Variants in UBE2O observed in about 807,000 individuals in gnomAD.
The protein encoded by UBE2O is ubiquitin conjugating enzyme E2 O.
In UBE2O, 15 loss-of-function variants were observed where a neutral mutation model predicts 125.8. That is an observed-to-expected ratio of 0.12 (90% CI 0.08 to 0.18). The LOEUF (loss-of-function observed/expected upper bound fraction) is 0.18. UBE2O is among the 10% of genes least tolerant of loss of function. The pLI is 1.00. For synonymous variants in UBE2O, 708 were observed against 703.2 expected (o/e 1.01, Z -0.11); for missense variants, 1,280 against 1,723.6 (o/e 0.74, Z 4.56).
Position 76,405,275 on chromosome 17 carries a change from A to G in UBE2O, c.519T>C (p.Cys173=). Residue 173 remains cysteine, a synonymous_variant, in exon 3 of 18, where the codon TGT becomes TGC. Transcript: ENST00000319380. This position sits in a 1 kb window ranked among gnomAD's most constrained non-coding sequence, Gnocchi z 6.1. ...CGTVIDVNID[C]AVKLIGTNCI... is the part of the protein sequence containing the mutation. ...AGTTGGTGCCGATGAGCTTGACGGCACAGTCGATGTTGACGTCGATCACCG... is the reference window on the plus strand; with the variant it reads ...AGTTGGTGCCGATGAGCTTGACGGCGCAGTCGATGTTGACGTCGATCACCG... 1 of 1,613,422 alleles carries G rather than the reference A, an allele frequency of 6.2e-7. No individual in the cohort carries two copies.
chr17:76,408,349 T>C (rs1334675450), intron 1 of UBE2O, among the ~76,000 whole-genome samples: 4 of 152,156 alleles, frequency 2.6e-5, no homozygotes, highest in Non-Finnish European at 4.4e-5. Flanking sequence ...CATGAGGTGC[T>C]CCACAACCCA....
chr17:76,424,833 T>C (rs2072777869), intron 1 of UBE2O, among the ~76,000 whole-genome samples: 1 of 151,742 alleles, frequency 6.6e-6, no homozygotes, highest in African/African-American at 2.4e-5. Context: ...ACCTCCAAAA[T>C]TAATTTCACC....
intron 1 of UBE2O, among the ~76,000 whole-genome samples, chr17:76,450,527 C>T (rs1464378155): frequency 6.6e-6 from 1 of 152,094 alleles, no homozygotes. Context: ...AAAATACCAC[C>T]ACCGAGCCAC....
intron 1 of UBE2O, among the ~76,000 whole-genome samples, chr17:76,435,429 CACACACACACACACACACACACACACAA>C (rs2072978787): frequency 6.6e-6 from 1 of 150,762 alleles, no homozygotes; most frequent in Non-Finnish European, 1.5e-5. Flanking sequence ...CACACACACA[CACACACACACACACACACACACACACAA>C]AGATTAAGAT....
Position 76,410,172 on chromosome 17 carries a change from G to A in UBE2O, c.418-4600C>T, listed in dbSNP as rs1467442546. Among the ~76,000 whole-genome samples, 5 of 152,148 alleles carry A rather than the reference G, an allele frequency of 3.3e-5. No individual in the cohort carries two copies. Among genetic ancestry groups the A allele is most frequent in the African/African-American group, 1.2e-4 (5 of 41,420 alleles). Reference sequence around the variant, plus strand: ...GGGAGGGCTTGAGATTCTATCCTGAGCAAGATGGAAGCCCCTGAAGGCCTC... The same window carrying A: ...GGGAGGGCTTGAGATTCTATCCTGAACAAGATGGAAGCCCCTGAAGGCCTC... On this transcript the variant is annotated intron_variant, in intron 1 of 17. Transcript: ENST00000319380. The surrounding 1 kb of genome is among the most constrained non-coding windows in gnomAD (Gnocchi z 4.0).
chr17:76,401,487 G>A (rs1377981405), intron 5 of UBE2O, among the ~76,000 whole-genome samples: 2 of 152,192 alleles, frequency 1.3e-5, no homozygotes, highest in African/African-American at 2.4e-5. Context: ...TGCTGTGTGT[G>A]TCCATGTACT....
intron 1 of UBE2O, among the ~76,000 whole-genome samples, chr17:76,430,115 C>T (rs1010065305): frequency 2.6e-5 from 4 of 152,098 alleles, no homozygotes; most frequent in Non-Finnish European, 4.4e-5. Context: ...GGTGTTTTTC[C>T]GCAGGTACCA....
At chr17:76,424,773 G>A (rs1023506633) in intron 1 of UBE2O, among the ~76,000 whole-genome samples, 12 of 151,304 alleles carry the variant, frequency 7.9e-5, no homozygotes, top group Non-Finnish European at 1.0e-4. Context: ...AGCTATGATC[G>A]AGCCACTGCA....
intron 1 of UBE2O, among the ~76,000 whole-genome samples, chr17:76,423,525 C>A (rs2143813831): frequency 6.6e-6 from 1 of 152,060 alleles, no homozygotes; most frequent in Middle Eastern, 3.4e-3. Flanking sequence ...AACCCAGTCT[C>A]TACTAAAAAT....
intron 1 of UBE2O, among the ~76,000 whole-genome samples, chr17:76,438,639 T>C (rs74878702): frequency 0.019 from 2,946 of 152,320 alleles, 84 homozygotes; most frequent in South Asian, 0.089. Context: ...TTAGGTTCGA[T>C]AGATTTCAGA....
chr17:76,405,828 C>T lies in UBE2O; in HGVS notation c.418-256G>A, dbSNP rs911559629. On this transcript the variant is annotated intron_variant, in intron 1 of 17. Coordinates refer to ENST00000319380, the MANE Select transcript of UBE2O (RefSeq NM_022066.4). This position sits in a 1 kb window ranked among gnomAD's most constrained non-coding sequence, Gnocchi z 6.1. ...CACCCACCAGAGGCACTTGGCTTGC[C>T]GGAGGTAGCCTTCCTCACACTGAAC... Among the ~76,000 whole-genome samples the T allele has an allele frequency of 3.3e-5, 5 of 152,188 alleles. No individual in the cohort carries two copies. The highest frequency in any genetic ancestry group is 1.3e-4 in the Admixed American group (2 of 15,280).
At position 76,400,907 on chromosome 17, in the gene UBE2O, G is replaced by A; in HGVS notation, c.894+104C>T. ...GAGATCAACAGGGTCCAGATGCTGA[G>A]GAGCGGGGCTCAACCCTCAAGAGCA... On this transcript the variant is annotated intron_variant, in intron 6 of 17. Coordinates refer to ENST00000319380, the MANE Select transcript of UBE2O (RefSeq NM_022066.4). This position sits in a 1 kb window ranked among gnomAD's most constrained non-coding sequence, Gnocchi z 4.3. 1 of 1,383,678 alleles carries A rather than the reference G, an allele frequency of 7.2e-7. No individual in the cohort carries two copies. Among genetic ancestry groups the A allele is most frequent in the Non-Finnish European group, 9.9e-7 (1 of 1,013,702 alleles). 85.7% of individuals were successfully genotyped at this position (1,383,678 alleles called of 1,614,324 possible).
At chr17:76,394,933 T>C (rs2072178983) in intron 15 of UBE2O, among the ~76,000 whole-genome samples, 1 of 151,926 alleles carries the variant, frequency 6.6e-6, no homozygotes, top group African/African-American at 2.4e-5. Context: ...TGGAGTGCAA[T>C]GGTGCGATCT....
Position 76,399,193 on chromosome 17 carries a change from G to A in UBE2O, c.1629-202C>T, listed in dbSNP as rs1482667773. On this transcript the variant is annotated intron_variant, in intron 9 of 17. Transcript: ENST00000319380. This position sits in a 1 kb window ranked among gnomAD's most constrained non-coding sequence, Gnocchi z 6.9. ...CATTCTCTGAGAACAGGATCCACTT[G>A]GGAGAGCTCAGGCAAATGTGGTTCC... is the stretch of plus-strand genomic sequence containing the variant. The A allele has an allele frequency of 1.3e-6, 1 of 775,698 alleles. No individual in the cohort carries two copies. Among genetic ancestry groups the A allele is most frequent in the Non-Finnish European group, 2.0e-6 (1 of 496,524 alleles). The allele number at this position is 775,698 out of a possible 1,614,324, so 48.1% of individuals were successfully genotyped here.
chr17:76,395,347 GT>G lies in UBE2O; in HGVS notation c.2946+377del, dbSNP rs550963697. The G allele has an allele frequency of 3.6e-3, 568 of 156,698 alleles. 2 individuals are homozygous for G. Among genetic ancestry groups the G allele is most frequent in the African/African-American group, 0.013 (540 of 41,294 alleles). 9.7% of individuals were successfully genotyped at this position (156,698 alleles called of 1,614,324 possible). ...CAGGCGCCCGCATGGTGGCGGGAGA[GT>G]TTTTTGTAATTTTTTTTTTTTTTTT... On this transcript the variant is annotated intron_variant, in intron 15 of 17. Coordinates refer to ENST00000319380, the MANE Select transcript of UBE2O (RefSeq NM_022066.4). This position sits in a 1 kb window ranked among gnomAD's most constrained non-coding sequence, Gnocchi z 5.0.
chr17:76,429,966 T>C (rs964588879), intron 1 of UBE2O, among the ~76,000 whole-genome samples: 16 of 152,244 alleles, frequency 1.1e-4, no homozygotes, highest in Admixed American at 9.2e-4. Context: ...TTCAAAGAGA[T>C]GACTTGGGAA....
At chr17:76,442,994 G>C (rs534243105) in intron 1 of UBE2O, among the ~76,000 whole-genome samples, 29 of 152,208 alleles carry the variant, frequency 1.9e-4, no homozygotes, top group African/African-American at 7.0e-4. Flanking sequence ...AATTAAAAAT[G>C]ACCCCAAATG....
rs2072493182 is a variant in UBE2O at position 76,410,263 on chromosome 17, G to GA, written c.418-4692dup. On this transcript the variant is annotated intron_variant, in intron 1 of 17. Coordinates refer to ENST00000319380, the MANE Select transcript of UBE2O (RefSeq NM_022066.4). This position sits in a 1 kb window ranked among gnomAD's most constrained non-coding sequence, Gnocchi z 4.0. ...CTGATTTTTGGGCAGGGAACGTGCT[G>GA]AGAGAGGGAGCACGGAGGCTGGTTA... Among the ~76,000 whole-genome samples the GA allele has an allele frequency of 6.6e-6, 1 of 152,118 alleles. No homozygotes were observed. Among genetic ancestry groups the GA allele is most frequent in the Admixed American group, 6.5e-5 (1 of 15,272 alleles).
Position 76,402,178 on chromosome 17 carries a change from CA to C in UBE2O, c.687-52del, listed in dbSNP as rs745366704. On this transcript the variant is annotated intron_variant, in intron 4 of 17. Transcript: ENST00000319380. This position sits in a 1 kb window ranked among gnomAD's most constrained non-coding sequence, Gnocchi z 5.4. ...CTCCACCAGGGGACACAGTGAGTAC[CA>C]AAAAGTTGCGATTCTGAGATGCCAA... 3.8e-6 allele frequency: 6 copies of C among 1,578,606 alleles called. No homozygotes were observed. The African/African-American group carries it at 4.1e-5, about 11-fold the overall frequency.
Sources: allele counts gnomAD v4.1 joint callset (sites outside exome capture counted in the v4.1 genomes callset), GRCh38; gene constraint gnomAD v4.1.1; non-coding constraint Gnocchi (gnomAD v3.1); transcripts MANE v1.5; gene names NCBI Gene and HGNC (gene_info 2026-07-23, HGNC 2026-07-21).